TRIO: variants seen among roughly 807,000 people sequenced by gnomAD.
TRIO encodes the protein triple functional domain protein.
TRIO carries 58 observed loss-of-function variants against 351.9 expected under a neutral mutation model. That is an observed-to-expected ratio of 0.16 (90% CI 0.13 to 0.21). TRIO has a LOEUF of 0.21. Ranked by LOEUF, TRIO falls within the 10% of genes least tolerant of loss-of-function variation. TRIO has a pLI of 1.00. For missense variants in TRIO, 3,201 were observed against 4,027.8 expected, an observed-to-expected ratio of 0.79 and a Z score of 5.56; for synonymous variants, 1,758 against 1,595.7, an observed-to-expected ratio of 1.10 and a Z score of -2.42.
At chr5:14,453,567 T>C (rs1753005508) in intron 34 of TRIO, among the ~76,000 whole-genome samples, 1 of 152,122 alleles carries the variant, frequency 6.6e-6, no homozygotes, top group Non-Finnish European at 1.5e-5. Context: ...TTATGAAGTT[T>C]GTTTGTTCCC....
At chr5:14,206,092 C>T (rs1008936683) in intron 1 of TRIO, among the ~76,000 whole-genome samples, 8 of 152,134 alleles carry the variant, frequency 5.3e-5, no homozygotes, top group Admixed American at 2.0e-4. Context: ...GATGGTTTCT[C>T]ACTCTGTCAC....
intron 11 of TRIO, among the ~76,000 whole-genome samples, chr5:14,349,272 GTGTA>G (rs1742802814): frequency 7.2e-6 from 1 of 138,542 alleles, no homozygotes; most frequent in Admixed American, 7.0e-5. Context: ...TTTTTCCTGT[GTGTA>G]TGTGTGTACG....
intron 27 of TRIO, among the ~76,000 whole-genome samples, chr5:14,391,632 G>A (rs1747089955): frequency 6.6e-6 from 1 of 152,356 alleles, no homozygotes; most frequent in East Asian, 1.9e-4. Context: ...TGGGTTTCCA[G>A]AACTTGGTCA....
chr5:14,143,750 G>A lies in TRIO; in HGVS notation c.25G>A (p.Ala9Thr), dbSNP rs1554020571. The A allele has an allele frequency of 1.0e-6, 1 of 985,760 alleles. No homozygotes were observed. The highest frequency in any genetic ancestry group is 1.2e-6 in the Non-Finnish European group (1 of 831,904). The allele number at this position is 985,760 out of a possible 1,614,324, so 61.1% of individuals were successfully genotyped here. A position where few individuals can be genotyped will look rare whatever the true frequency, so the allele number is the denominator to read the frequency against. The change falls in exon 1 of 57, where the codon GCC (alanine) becomes ACC (threonine). Residue 9 changes from alanine (A) to threonine (T), a missense_variant. By Grantham distance (58) the Ala-to-Thr change is moderately conservative. Transcript: ENST00000344204. ...CATGAGCGGCAGCAGCGGCGGAGCC[G>A]CCGCCCCCGCCGCGTCCTCCGGCCC... The part of the protein sequence containing the change: MSGSSGGA[A>T]APAASSGPAA...
rs1270896448 is a variant in TRIO at position 14,510,061 on chromosome 5, C to A, written c.*1639C>A. The A allele has an allele frequency of 6.6e-6, 1 of 152,036 alleles. No individual in the cohort carries two copies. Among genetic ancestry groups the A allele is most frequent in the Non-Finnish European group, 1.5e-5 (1 of 68,022 alleles). 9.4% of individuals were successfully genotyped at this position (152,036 alleles called of 1,614,324 possible). A position where few individuals can be genotyped will look rare whatever the true frequency, so the allele number is the denominator to read the frequency against. ...CATAATTTTTATTTGTGTATTGTTT[C>A]TTTTATTATTTCAGTTAAATTTTTA... On this transcript the variant is annotated 3_prime_UTR_variant, in exon 57 of 57. Transcript: ENST00000344204.
chr5:14,420,261 A>G (rs1349367894), intron 34 of TRIO: 8 of 548,678 alleles, frequency 1.5e-5, no homozygotes, highest in African/African-American at 1.9e-5. Flanking sequence ...GTGTAGTGAG[A>G]TATGACATCA....
chr5:14,205,452 C>T (rs761516451), intron 1 of TRIO, among the ~76,000 whole-genome samples: 7 of 152,130 alleles, frequency 4.6e-5, no homozygotes, highest in Admixed American at 3.9e-4. Flanking sequence ...CTGTTCATTA[C>T]GTTAGATTCA....
At chr5:14,488,544 G>C (rs1436902558) in intron 48 of TRIO, 1 of 529,748 alleles carries the variant, frequency 1.9e-6, no homozygotes, top group Non-Finnish European at 3.3e-6. Context: ...TATCTTCTTG[G>C]AACTTTCTTT....
chr5:14,454,899 T>C (rs556204471), intron 34 of TRIO, among the ~76,000 whole-genome samples: 65 of 152,340 alleles, frequency 4.3e-4, no homozygotes, highest in African/African-American at 1.5e-3. Flanking sequence ...TTCCTTTTGG[T>C]GGGTTCGTGG....
chr5:14,149,587 G>T (rs764123635), intron 1 of TRIO, among the ~76,000 whole-genome samples: 1 of 152,160 alleles, frequency 6.6e-6, no homozygotes, highest in Non-Finnish European at 1.5e-5. Flanking sequence ...GGGGCAGAGG[G>T]CATTGACCTC....
intron 34 of TRIO, among the ~76,000 whole-genome samples, chr5:14,423,924 A>AT (rs577094390): frequency 0.042 from 4,963 of 118,104 alleles, 225 homozygotes; most frequent in African/African-American, 0.12. Flanking sequence ...ACCCCATGGA[A>AT]TTTTTTTTTT....
intron 2 of TRIO, among the ~76,000 whole-genome samples, chr5:14,278,459 T>G (rs925406538): frequency 1.3e-5 from 2 of 152,174 alleles, no homozygotes; most frequent in African/African-American, 4.8e-5. Context: ...ATTTTAAAAA[T>G]TCAGAACTGT....
At chr5:14,177,862 T>A (rs971473588) in intron 1 of TRIO, among the ~76,000 whole-genome samples, 1 of 152,216 alleles carries the variant, frequency 6.6e-6, no homozygotes, top group Non-Finnish European at 1.5e-5. Context: ...CACAGGCCCA[T>A]TATTAAACAG....
At chr5:14,280,821 T>C (rs138549807) in intron 3 of TRIO, among the ~76,000 whole-genome samples, 1 of 152,336 alleles carries the variant, frequency 6.6e-6, no homozygotes, top group African/African-American at 2.4e-5. Flanking sequence ...GTTAGTTCTT[T>C]AAAAATAGTC....
At chr5:14,328,965 C>G (rs2152314351) in intron 9 of TRIO, among the ~76,000 whole-genome samples, 1 of 152,248 alleles carries the variant, frequency 6.6e-6, no homozygotes, top group East Asian at 1.9e-4. Context: ...TGCAATTTAC[C>G]TGTAATACTA....
intron 1 of TRIO, among the ~76,000 whole-genome samples, chr5:14,188,428 C>T (rs1172641820): frequency 6.6e-6 from 1 of 152,162 alleles, no homozygotes; most frequent in African/African-American, 2.4e-5. Flanking sequence ...GTTCTTGGCC[C>T]ATTCTCTTAA....
chr5:14,468,332 C>T (rs1754424876), intron 37 of TRIO, among the ~76,000 whole-genome samples: 2 of 152,234 alleles, frequency 1.3e-5, no homozygotes, highest in South Asian at 4.2e-4. Flanking sequence ...CTTGGGTTCA[C>T]AGTCTCATTA....
chr5:14,493,764 G>A (rs563943826), intron 49 of TRIO, among the ~76,000 whole-genome samples: 41 of 152,322 alleles, frequency 2.7e-4, no homozygotes, highest in African/African-American at 5.3e-4. Flanking sequence ...AAAGCTAAGC[G>A]CCTCTCGCAC....
chr5:14,328,919 G>A (rs1450350665), intron 9 of TRIO, among the ~76,000 whole-genome samples: 2 of 152,116 alleles, frequency 1.3e-5, no homozygotes, highest in Non-Finnish European at 1.5e-5. Flanking sequence ...TTCTAGAAGG[G>A]TCTGTACAGA....
Sources: gnomAD v4.1 joint callset for allele counts (sites outside exome capture counted in the v4.1 genomes callset) on GRCh38, gnomAD v4.1.1 for gene constraint, MANE v1.5 for transcripts, NCBI Gene and HGNC (gene_info 2026-07-23, HGNC 2026-07-21) for gene names.